Variants in ADD2 observed in about 807,000 individuals in gnomAD.
ADD2 encodes the protein beta-adducin.
ADD2 carries 23 observed loss-of-function variants against 83.0 expected under a neutral mutation model. The observed-to-expected ratio is 0.28, with a 90% confidence interval of 0.20 to 0.39. The LOEUF is 0.39. ADD2 is among the 10% of genes least tolerant of loss of function. The pLI is 1.00. For synonymous variants in ADD2, 375 were observed against 375.4 expected, an observed-to-expected ratio of 1.00 and a Z score of 0.01; for missense variants, 758 against 944.9, an observed-to-expected ratio of 0.80 and a Z score of 2.59.
intron 1 of ADD2, among the ~76,000 whole-genome samples, chr2:70,736,787 T>G (rs2104484993): frequency 6.6e-6 from 1 of 152,140 alleles, no homozygotes; most frequent in Middle Eastern, 3.4e-3. Context: ...TTTTTTTTTT[T>G]TTAAGTTGAA....
intron 1 of ADD2, among the ~76,000 whole-genome samples, chr2:70,749,273 C>T (rs1395800700): frequency 6.6e-6 from 1 of 152,176 alleles, no homozygotes; most frequent in Non-Finnish European, 1.5e-5. Context: ...TTACCTCCCA[C>T]AGGGTCCCTC....
intron 1 of ADD2, among the ~76,000 whole-genome samples, chr2:70,726,217 G>C (rs146573383): frequency 8.6e-6 from 1 of 116,896 alleles, no homozygotes; most frequent in Non-Finnish European, 1.8e-5. Flanking sequence ...AAAAAAGAAT[G>C]TATTGTCATC....
chr2:70,765,273 A>T (rs555627938), intron 1 of ADD2, among the ~76,000 whole-genome samples: 2 of 152,330 alleles, frequency 1.3e-5, no homozygotes, highest in East Asian at 3.9e-4. Flanking sequence ...GAATCACTTG[A>T]AGCCAGGAGG....
At chr2:70,694,207 C>T (rs1424618819) in intron 6 of ADD2, among the ~76,000 whole-genome samples, 2 of 152,206 alleles carry the variant, frequency 1.3e-5, no homozygotes, top group African/African-American at 4.8e-5. Flanking sequence ...TGCCAACTGA[C>T]ATCTCTTGAA....
At chr2:70,745,082 C>G (rs1214813877) in intron 1 of ADD2, among the ~76,000 whole-genome samples, 1 of 151,968 alleles carries the variant, frequency 6.6e-6, no homozygotes, top group Non-Finnish European at 1.5e-5. Flanking sequence ...GTCAGGAGAT[C>G]GAGACCATCC....
chr2:70,730,942 A>T (rs1386112560), intron 1 of ADD2, among the ~76,000 whole-genome samples: 1 of 152,222 alleles, frequency 6.6e-6, no homozygotes, highest in Non-Finnish European at 1.5e-5. Flanking sequence ...ATTTTCCCAC[A>T]ATGATGAAAT....
chr2:70,701,882 CTT>C (rs1482752546), intron 4 of ADD2, among the ~76,000 whole-genome samples: 17 of 152,076 alleles, frequency 1.1e-4, no homozygotes, highest in African/African-American at 3.9e-4. Context: ...TGAAAGAAGA[CTT>C]AAATAAATAA....
At chr2:70,703,510 C>T (rs1671721486) in intron 4 of ADD2, among the ~76,000 whole-genome samples, 1 of 152,168 alleles carries the variant, frequency 6.6e-6, no homozygotes, top group Admixed American at 6.5e-5. Context: ...TTAAAACATG[C>T]ATGCATGTAC....
chr2:70,673,069 A>G, intron 14 of ADD2, 63 bp from the exon 15 acceptor site: 1 of 1,573,122 alleles, frequency 6.4e-7, no homozygotes, highest in Non-Finnish European at 8.6e-7. Context: ...GCAGGGAAAT[A>G]AAGCCTTTTA....
intron 15 of ADD2, among the ~76,000 whole-genome samples, chr2:70,671,046 T>G (rs1230692798): frequency 6.6e-6 from 1 of 152,176 alleles, no homozygotes; most frequent in Non-Finnish European, 1.5e-5. Context: ...CACTCCTCCA[T>G]GAGCCTCCTC....
chr2:70,726,962 G>A (rs948322102), intron 1 of ADD2, among the ~76,000 whole-genome samples: 1 of 152,150 alleles, frequency 6.6e-6, no homozygotes, highest in Non-Finnish European at 1.5e-5. Context: ...TGCACACAGG[G>A]TTATATTTCA....
chr2:70,687,514 ACT>A (rs67533059), intron 9 of ADD2, among the ~76,000 whole-genome samples: 5,045 of 151,928 alleles, frequency 0.033, 288 homozygotes, highest in African/African-American at 0.11. Context: ...CCACGTCAAC[ACT>A]CTGATTGGTC....
chr2:70,699,388 ATGTT>A (rs1219747550), intron 4 of ADD2, among the ~76,000 whole-genome samples: 1 of 152,202 alleles, frequency 6.6e-6, no homozygotes, highest in Non-Finnish European at 1.5e-5. Context: ...TAGAAAAAAA[ATGTT>A]TGGCGACCTA....
rs1237700842 is a variant in ADD2, at chr2:70,768,097, C to G, written c.-365G>C. The G allele has an allele frequency of 1.0e-5, 9 of 904,340 alleles. No individual in the cohort carries two copies. Among genetic ancestry groups the G allele is most frequent in the African/African-American group, 3.4e-5 (2 of 59,102 alleles). 56.0% of individuals were successfully genotyped at this position (904,340 alleles called of 1,614,324 possible). A position where few individuals can be genotyped will look rare whatever the true frequency, so the allele number is the denominator to read the frequency against. ...CGCGGCGGCGGGGATGACTGGCCAC[C>G]GACGCCGCAGTTCCTTGACAAAAGG... On this transcript the variant is annotated 5_prime_UTR_variant, in exon 1 of 16. Transcript: ENST00000264436.
chr2:70,690,872 C>A lies in ADD2; in HGVS notation c.763G>T (p.Asp255Tyr), dbSNP rs781914964. 1.2e-6 allele frequency: 2 copies of A among 1,614,132 alleles called. No individual in the cohort carries two copies. Among genetic ancestry groups the A allele is most frequent in the Non-Finnish European group, 1.7e-6 (2 of 1,180,008 alleles). Residue 255 changes from aspartate to tyrosine, a missense_variant, in exon 8 of 16, where the codon GAC (aspartate) becomes TAC (tyrosine). Physicochemically the swap from Asp to Tyr is radical, Grantham distance 160. Transcript: ENST00000264436. ...CCATTGAAGTCATAATAGGCCATGT[C>A]CCCCACCAGCAGGGCATTGTGGGAG... ...PVSHNALLVGDMAYYDFNGEM... is the reference protein window; with the variant it reads ...PVSHNALLVGYMAYYDFNGEM...
At chr2:70,674,636 C>T (rs782123875) in intron 14 of ADD2, 42 bp downstream of exon 14, 6 of 1,594,586 alleles carry the variant, frequency 3.8e-6, no homozygotes, top group Non-Finnish European at 4.3e-6. Flanking sequence ...CCCCTCCACC[C>T]TGGGGGACTT....
In ADD2 at chr2:70,674,844, G is replaced by C. The variant is rs1553367892; in HGVS notation, c.1594-19C>G. 2 of 1,610,162 alleles carry C rather than the reference G, an allele frequency of 1.2e-6. No individual in the cohort carries two copies. The highest frequency in any genetic ancestry group is 1.7e-5 in the Admixed American group (1 of 59,342). ...CTGTAGACTGAAAGTTAACCACAGA[G>C]GGTGTGTCGCTCTCTGAACGCCGCA... On this transcript the variant is annotated intron_variant, in intron 13 of 15. Transcript: ENST00000264436.
At chr2:70,744,206 G>A (rs1324560147) in intron 1 of ADD2, among the ~76,000 whole-genome samples, 1 of 152,190 alleles carries the variant, frequency 6.6e-6, no homozygotes, top group Admixed American at 6.5e-5. Context: ...TTAGATAGTA[G>A]GATTGTACCA....
chr2:70,691,338 G>C (rs1671024831), intron 7 of ADD2, among the ~76,000 whole-genome samples: 1 of 152,278 alleles, frequency 6.6e-6, no homozygotes, highest in East Asian at 1.9e-4. Context: ...TCTTGGGGTA[G>C]GCTGGAGACC....
Sources: allele counts gnomAD v4.1 joint callset (sites outside exome capture counted in the v4.1 genomes callset), GRCh38; gene constraint gnomAD v4.1.1; transcripts MANE v1.5; gene names NCBI Gene and HGNC (gene_info 2026-07-23, HGNC 2026-07-21).